Variants in CALCRL observed in about 807,000 individuals in gnomAD.
The protein encoded by CALCRL is calcitonin receptor like receptor.
CALCRL carries 27 observed loss-of-function variants against 60.4 expected under a neutral mutation model. That is an observed-to-expected ratio of 0.45 (90% CI 0.33 to 0.62). The LOEUF (loss-of-function observed/expected upper bound fraction) is 0.62. CALCRL is among the 20% of genes least tolerant of loss of function. CALCRL has a pLI of 0.03. For synonymous variants in CALCRL, 190 were observed against 182.6 expected, an observed-to-expected ratio of 1.04 and a Z score of -0.33; for missense variants, 424 against 540.7, an observed-to-expected ratio of 0.78 and a Z score of 2.14.
In CALCRL at chr2:187,351,284, CA is replaced by C. The variant is rs59030457; in HGVS notation, c.1170+635del. Among the ~76,000 whole-genome samples the C allele has an allele frequency of 2.5e-4, 29 of 116,136 alleles. 12 individuals are homozygous for C. The highest frequency in any genetic ancestry group is 6.5e-4 in the African/African-American group (22 of 33,748). 76.2% of individuals were successfully genotyped at this position (116,136 alleles called of 152,430 possible). A position where few individuals can be genotyped will look rare whatever the true frequency, so the allele number is the denominator to read the frequency against. On this transcript the variant is annotated intron_variant, in intron 14 of 14. Coordinates refer to ENST00000392370, the MANE Select transcript of CALCRL (RefSeq NM_005795.6). ...TGGGCTAAACAGCGGGACTCCGTCT[CA>C]AAAAAAAAAAAAAAAGAAATATGTT...
chr2:187,422,101 G>A (rs1384763468), intron 1 of CALCRL, among the ~76,000 whole-genome samples: 4 of 152,166 alleles, frequency 2.6e-5, no homozygotes, highest in African/African-American at 9.7e-5. Context: ...ATCAAAGGTA[G>A]CTAGCAGGAA....
Position 187,380,467 on chromosome 2 carries a change from C to G in CALCRL, c.408G>C (p.Lys136Asn). The G allele has an allele frequency of 4.5e-6, 7 of 1,553,700 alleles. No individual in the cohort carries two copies. The highest frequency in any genetic ancestry group is 6.2e-6 in the Non-Finnish European group (7 of 1,126,346). Residue 136 changes from lysine (K) to asparagine (N), a missense_variant and splice_region_variant, in exon 7 of 15, where the codon AAG becomes AAC. By Grantham distance (94) the Lys-to-Asn change is moderately conservative. Coordinates refer to ENST00000392370, the MANE Select transcript of CALCRL (RefSeq NM_005795.6). Reference sequence around the variant, plus strand: ...ATTTCAATTCAGAATTATGACATACCTTCACTTTCTCGTGGGTGTTAACAT... The same window carrying G: ...ATTTCAATTCAGAATTATGACATACGTTCACTTTCTCGTGGGTGTTAACAT... ...QCNVNTHEKV[K>N]TALNLFYLTI...
chr2:187,418,205 T>C (rs1408975597), intron 1 of CALCRL, among the ~76,000 whole-genome samples: 1 of 152,020 alleles, frequency 6.6e-6, no homozygotes, highest in Non-Finnish European at 1.5e-5. Flanking sequence ...TTCTGGTCAT[T>C]AAAAGAAAAA....
chr2:187,440,168 G>C (rs1192549491), intron 1 of CALCRL, among the ~76,000 whole-genome samples: 1 of 151,774 alleles, frequency 6.6e-6, no homozygotes, highest in African/African-American at 2.4e-5. Flanking sequence ...ATATACTGTA[G>C]TAACTGATGT....
At chr2:187,368,958 A>C (rs1156279518) in intron 8 of CALCRL, among the ~76,000 whole-genome samples, 1 of 152,168 alleles carries the variant, frequency 6.6e-6, no homozygotes, top group Non-Finnish European at 1.5e-5. Flanking sequence ...ATGTTTACAT[A>C]TGAGAAGTAG....
At chr2:187,416,303 T>C (rs554265315) in intron 1 of CALCRL, among the ~76,000 whole-genome samples, 2 of 152,334 alleles carry the variant, frequency 1.3e-5, no homozygotes, top group African/African-American at 4.8e-5. Context: ...TCAGCACTTA[T>C]AATTTCTGTG....
At chr2:187,433,092 A>G (rs1290786969) in intron 1 of CALCRL, among the ~76,000 whole-genome samples, 2 of 152,116 alleles carry the variant, frequency 1.3e-5, no homozygotes, top group Middle Eastern at 3.2e-3. Flanking sequence ...TGTATTTAGA[A>G]TCTGGATTTC....
chr2:187,414,607 A>G (rs13388347), intron 1 of CALCRL, among the ~76,000 whole-genome samples: 5,877 of 152,274 alleles, frequency 0.039, 362 homozygotes, highest in African/African-American at 0.13. Flanking sequence ...TGGCTAAAAA[A>G]TGACATCTGA....
At chr2:187,389,158 C>T (rs962851640) in intron 1 of CALCRL, among the ~76,000 whole-genome samples, 2 of 151,336 alleles carry the variant, frequency 1.3e-5, no homozygotes, top group African/African-American at 4.9e-5. Flanking sequence ...CTGCAATCTC[C>T]GTCTTGCAGG....
At chr2:187,392,483 T>A (rs1011198325) in intron 1 of CALCRL, among the ~76,000 whole-genome samples, 6 of 152,138 alleles carry the variant, frequency 3.9e-5, no homozygotes, top group African/African-American at 1.4e-4. Flanking sequence ...ACATATCTCT[T>A]GAATCAAAAC....
At chr2:187,384,786 G>A (rs537594752) in intron 4 of CALCRL, among the ~76,000 whole-genome samples, 2 of 152,164 alleles carry the variant, frequency 1.3e-5, no homozygotes, top group South Asian at 4.2e-4. Flanking sequence ...GCTGCCACAG[G>A]ATTAGATGAG....
chr2:187,363,057 G>A (rs756177308), intron 9 of CALCRL, among the ~76,000 whole-genome samples: 1 of 152,052 alleles, frequency 6.6e-6, no homozygotes, highest in Non-Finnish European at 1.5e-5. Flanking sequence ...GCTATAAAAT[G>A]AAGTGAAGAT....
intron 8 of CALCRL, among the ~76,000 whole-genome samples, chr2:187,366,681 AAAAT>A (rs778507888): frequency 1.3e-5 from 2 of 152,110 alleles, no homozygotes; most frequent in Non-Finnish European, 2.9e-5. Flanking sequence ...GGAAGGGAGT[AAAAT>A]AAAATGCTAA....
intron 1 of CALCRL, among the ~76,000 whole-genome samples, chr2:187,411,424 A>G (rs1164902850): frequency 5.3e-5 from 8 of 152,150 alleles, no homozygotes; most frequent in Non-Finnish European, 1.0e-4. Context: ...AGTCAAGCAG[A>G]TCCCGTATCC....
At chr2:187,398,829 T>C (rs76774956) in intron 1 of CALCRL, among the ~76,000 whole-genome samples, 6,932 of 151,672 alleles carry the variant, frequency 0.046, 530 homozygotes, top group African/African-American at 0.16. Flanking sequence ...GAGAAAATGT[T>C]AAAAAATGTG....
chr2:187,378,846 G>T, intron 8 of CALCRL, 94 bp downstream of exon 8: 1 of 679,712 alleles, frequency 1.5e-6, no homozygotes, highest in Admixed American at 2.1e-5. Flanking sequence ...ATCTATATTG[G>T]TATATTTTGT....
intron 1 of CALCRL, among the ~76,000 whole-genome samples, chr2:187,435,244 G>A (rs552863194): frequency 7.2e-5 from 11 of 152,256 alleles, no homozygotes; most frequent in Non-Finnish European, 1.5e-4. Context: ...CTACAATCAT[G>A]ACAAAAGGGG....
intron 1 of CALCRL, among the ~76,000 whole-genome samples, chr2:187,439,486 AAAACAAAC>A (rs200092549): frequency 6.6e-6 from 1 of 152,100 alleles, no homozygotes; most frequent in Non-Finnish European, 1.5e-5. Flanking sequence ...TAAACAAAAC[AAAACAAAC>A]AAACAAACAA....
At chr2:187,361,091 A>G (rs1274783584) in intron 9 of CALCRL, among the ~76,000 whole-genome samples, 2 of 152,028 alleles carry the variant, frequency 1.3e-5, no homozygotes, top group Non-Finnish European at 2.9e-5. Context: ...ACACTTATTT[A>G]TATCATCATG....
Sources: allele counts gnomAD v4.1 joint callset (sites outside exome capture counted in the v4.1 genomes callset), GRCh38; gene constraint gnomAD v4.1.1; transcripts MANE v1.5; gene names NCBI Gene and HGNC (gene_info 2026-07-23, HGNC 2026-07-21).